ROBO2: variants seen among roughly 807,000 people sequenced by gnomAD.
ROBO2 encodes roundabout guidance receptor 2.
ROBO2 carries 53 observed loss-of-function variants against 160.8 expected under a neutral mutation model. The ratio of observed to expected loss-of-function variants is 0.33; its 90% CI spans 0.26 to 0.41. ROBO2 has a LOEUF of 0.41. Among genes scored for constraint, ROBO2 ranks in the 10% least tolerant of loss-of-function variants. The pLI is 1.00. For missense variants in ROBO2, 1,577 were observed against 1,722.4 expected (o/e 0.92, Z 1.49); for synonymous variants, 664 against 611.7 (o/e 1.09, Z -1.26).
At position 76,416,031 on chromosome 3, in the gene ROBO2, G is replaced by A. The variant is rs527366897; in HGVS notation, c.109+478429G>A. On this transcript the variant is annotated intron_variant, in intron 2 of 26. Transcript: ENST00000487694. ...ACAAACAGCATGCAGGAGCTGATCC[G>A]TGAACTTTCCCTTAAAACAAGATGA... Among the ~76,000 whole-genome samples, 213 of 152,164 alleles carry A rather than the reference G, an allele frequency of 1.4e-3. 2 individuals are homozygous for A. Among genetic ancestry groups the A allele is most frequent in the African/African-American group, 4.9e-3 (205 of 41,536 alleles).
At chr3:77,471,540 C>G (rs765747637) in intron 2 of ROBO2, among the ~76,000 whole-genome samples, 3 of 152,172 alleles carry the variant, frequency 2.0e-5, no homozygotes, top group Non-Finnish European at 4.4e-5. Flanking sequence ...CATTCTGCAA[C>G]ATGGCACCGT....
intron 2 of ROBO2, among the ~76,000 whole-genome samples, chr3:76,031,186 G>C (rs1415992225): frequency 6.6e-6 from 1 of 151,824 alleles, no homozygotes; most frequent in Non-Finnish European, 1.5e-5. Flanking sequence ...GTGTATAGGA[G>C]TGCTTGTGAT....
At chr3:77,323,139 A>G (rs1411230152) in intron 2 of ROBO2, among the ~76,000 whole-genome samples, 1 of 147,038 alleles carries the variant, frequency 6.8e-6, no homozygotes, top group Non-Finnish European at 1.5e-5. Flanking sequence ...AAAAAAGTGT[A>G]TGTAATTACT....
Position 76,947,608 on chromosome 3 carries a change from G to A in ROBO2, c.110-150406G>A, listed in dbSNP as rs374379911. 1.1e-4 allele frequency among the ~76,000 whole-genome samples: 16 copies of A among 151,698 alleles called. 1 individual carries two copies. The East Asian group carries it at 2.7e-3, about 26-fold the overall frequency. On this transcript the variant is annotated intron_variant, in intron 2 of 26. Coordinates refer to the ROBO2 transcript ENST00000487694. ...TCCTGCAATCGATGACATGTGACTG[G>A]TTTTTTCTTAGTTAACAATTTCAAA...
intron 2 of ROBO2, among the ~76,000 whole-genome samples, chr3:76,602,053 C>T (rs937275572): frequency 1.3e-5 from 2 of 152,158 alleles, no homozygotes; most frequent in Non-Finnish European, 2.9e-5. Context: ...TTTGCTAAAA[C>T]ATAACAAGAG....
At chr3:77,590,474 C>G (rs1200633269) in intron 17 of ROBO2, among the ~76,000 whole-genome samples, 13 of 152,046 alleles carry the variant, frequency 8.6e-5, no homozygotes, top group African/African-American at 2.9e-4. Context: ...AAGGTATTGC[C>G]CATCAACCTT....
At chr3:76,410,430 A>C (rs1394403850) in intron 2 of ROBO2, among the ~76,000 whole-genome samples, 1 of 152,092 alleles carries the variant, frequency 6.6e-6, no homozygotes, top group East Asian at 1.9e-4. Flanking sequence ...AAACTTAAAT[A>C]TTTAGAATAT....
At chr3:77,424,306 T>G (rs2077980988) in intron 2 of ROBO2, among the ~76,000 whole-genome samples, 1 of 152,084 alleles carries the variant, frequency 6.6e-6, no homozygotes, top group African/African-American at 2.4e-5. Context: ...ATGGTATGAG[T>G]AAAGCATTGA....
chr3:76,031,434 T>C (rs2066916020), intron 2 of ROBO2, among the ~76,000 whole-genome samples: 1 of 152,220 alleles, frequency 6.6e-6, no homozygotes, highest in Non-Finnish European at 1.5e-5. Context: ...CATCCCTGTC[T>C]TGTGCCAGTT....
chr3:77,196,353 TCAATTA>T (rs2082308699), intron 2 of ROBO2, among the ~76,000 whole-genome samples: 1 of 149,462 alleles, frequency 6.7e-6, no homozygotes, highest in African/African-American at 2.4e-5. Context: ...AACCTGGAAC[TCAATTA>T]CAAAGAACAG....
chr3:76,274,503 A>G, intron 2 of ROBO2, among the ~76,000 whole-genome samples: 1 of 152,120 alleles, frequency 6.6e-6, no homozygotes, highest in East Asian at 1.9e-4. Flanking sequence ...TGAAATACAG[A>G]TTGTTATTCA....
chr3:76,303,197 C>A (rs2071158335), intron 2 of ROBO2, among the ~76,000 whole-genome samples: 1 of 152,164 alleles, frequency 6.6e-6, no homozygotes, highest in South Asian at 2.1e-4. Flanking sequence ...TAGGGCGCCT[C>A]CCCAGGACCC....
chr3:76,557,851 A>G (rs773566867), intron 2 of ROBO2, among the ~76,000 whole-genome samples: 1 of 150,614 alleles, frequency 6.6e-6, no homozygotes, highest in African/African-American at 2.4e-5. Context: ...TGCCTTCCTC[A>G]TTCTTGCTTT....
intron 2 of ROBO2, among the ~76,000 whole-genome samples, chr3:76,973,598 C>T (rs2059675412): frequency 6.6e-6 from 1 of 152,012 alleles, no homozygotes; most frequent in Admixed American, 6.6e-5. Context: ...GTATGATGGG[C>T]ACCATATTTC....
At chr3:76,407,897 G>T (rs903223929) in intron 2 of ROBO2, among the ~76,000 whole-genome samples, 27 of 151,666 alleles carry the variant, frequency 1.8e-4, no homozygotes, top group African/African-American at 6.3e-4. Flanking sequence ...ACAACATGTT[G>T]TAACCTTTCT....
At chr3:77,200,330 TCTA>T (rs2082788309) in intron 2 of ROBO2, among the ~76,000 whole-genome samples, 1 of 121,320 alleles carries the variant, frequency 8.2e-6, no homozygotes, top group East Asian at 2.4e-4. Flanking sequence ...TATTTTAGTT[TCTA>T]TAGGTAAAGG....
chr3:76,020,862 T>C (rs2107661533), intron 2 of ROBO2, among the ~76,000 whole-genome samples: 1 of 152,010 alleles, frequency 6.6e-6, no homozygotes, highest in African/African-American at 2.4e-5. Context: ...AAGGGAGTTT[T>C]AGTTTTTCTT....
chr3:75,918,552 T>G (rs1946902515), intron 1 of ROBO2, among the ~76,000 whole-genome samples: 1 of 152,194 alleles, frequency 6.6e-6, no homozygotes, highest in South Asian at 2.1e-4. Flanking sequence ...TAACATAGTT[T>G]TTTTCTAGTT....
At chr3:76,639,589 T>C (rs2090541323) in intron 2 of ROBO2, among the ~76,000 whole-genome samples, 1 of 152,082 alleles carries the variant, frequency 6.6e-6, no homozygotes, top group African/African-American at 2.4e-5. Flanking sequence ...TCATTTCTAC[T>C]TTCCCTAACA....
Sources: gnomAD v4.1 joint callset for allele counts (sites outside exome capture counted in the v4.1 genomes callset) on GRCh38, gnomAD v4.1.1 for gene constraint, MANE v1.5 for transcripts, NCBI Gene and HGNC (gene_info 2026-07-23, HGNC 2026-07-21) for gene names.